ADARB2: variants seen among roughly 807,000 people sequenced by gnomAD.
ADARB2 encodes the protein adenosine deaminase RNA specific B2 (inactive).
Under a neutral mutation model 62.2 loss-of-function variants are expected in ADARB2, and 25 were observed. The observed-to-expected ratio is 0.40, with a 90% CI of 0.29 to 0.56. The LOEUF is 0.56. Among genes scored for constraint, ADARB2 ranks in the 20% least tolerant of loss-of-function variants. The pLI is 0.43. For missense variants in ADARB2, 1,071 were observed against 1,077.4 expected (o/e 0.99, Z 0.08); for synonymous variants, 572 against 500.8 (o/e 1.14, Z -1.90).
Position 1,217,122 on chromosome 10 carries a change from A to G in ADARB2, c.1514-3T>C, listed in dbSNP as rs762989170. 1.9e-6 allele frequency: 3 copies of G among 1,581,760 alleles called. No homozygotes were observed. Among genetic ancestry groups the G allele is most frequent in the Admixed American group, 1.8e-5 (1 of 56,070 alleles). The stretch of plus-strand genomic sequence containing the variant: ...GACGAGGTGTTTGCTGCTGTGCACT[A>G]GGAGATAAAAGGGCGGGGAGGGGTG... On this transcript the variant is annotated splice_polypyrimidine_tract_variant and splice_region_variant and intron_variant, in intron 6 of 9. Transcript: ENST00000381312.
intron 1 of ADARB2, among the ~76,000 whole-genome samples, chr10:1,664,948 T>G: frequency 6.6e-6 from 1 of 152,102 alleles, no homozygotes; most frequent in Non-Finnish European, 1.5e-5. Context: ...AGAAAACAGA[T>G]GGCATTCAGG....
chr10:1,571,770 G>A (rs1344921520), intron 1 of ADARB2, among the ~76,000 whole-genome samples: 2 of 150,640 alleles, frequency 1.3e-5, no homozygotes, highest in African/African-American at 4.9e-5. Context: ...GAGTGGACAG[G>A]TGAGTAGGCA....
rs919834096 is a variant in ADARB2 at position 1,470,646 on chromosome 10, A to G, written c.101-91486T>C. On this transcript the variant is annotated intron_variant, in intron 1 of 9. Transcript: ENST00000381312. Reference sequence around the variant, plus strand: ...ACACCAATTTTTAGCAAATTTTATGACTCATGTAGTGTAACGTGTAAATGA... The same window carrying G: ...ACACCAATTTTTAGCAAATTTTATGGCTCATGTAGTGTAACGTGTAAATGA... Among the ~76,000 whole-genome samples the G allele has an allele frequency of 9.2e-5, 14 of 152,202 alleles. 1 individual carries two copies. Among genetic ancestry groups the G allele is most frequent in the Admixed American group, 7.2e-4 (11 of 15,278 alleles).
chr10:1,722,574 C>T (rs563085727), intron 1 of ADARB2, among the ~76,000 whole-genome samples: 8 of 152,240 alleles, frequency 5.3e-5, no homozygotes, highest in South Asian at 2.1e-4. Flanking sequence ...AATTTAGTTC[C>T]GGGTTTTATC....
intron 1 of ADARB2, among the ~76,000 whole-genome samples, chr10:1,510,631 G>T (rs1343652388): frequency 6.6e-6 from 1 of 152,100 alleles, no homozygotes; most frequent in Middle Eastern, 3.2e-3. Context: ...CATCTATCTG[G>T]AGACCTTGGA....
intron 1 of ADARB2, among the ~76,000 whole-genome samples, chr10:1,436,709 C>T (rs1301233781): frequency 6.6e-6 from 1 of 152,224 alleles, no homozygotes; most frequent in East Asian, 1.9e-4. Context: ...TCAAGTTTTA[C>T]ATTTTTGCTT....
At chr10:1,660,020 G>A (rs1476112858) in intron 1 of ADARB2, among the ~76,000 whole-genome samples, 4 of 150,088 alleles carry the variant, frequency 2.7e-5, no homozygotes, top group East Asian at 2.0e-4. Context: ...GTGAGACCCC[G>A]GGGCAGGGGC....
intron 1 of ADARB2, among the ~76,000 whole-genome samples, chr10:1,632,840 G>A (rs1478557757): frequency 6.6e-6 from 1 of 152,202 alleles, no homozygotes; most frequent in Admixed American, 6.5e-5. Flanking sequence ...ACTGGGCTTG[G>A]GGCTGCCCAG....
At chr10:1,346,632 A>C (rs1448429402) in intron 3 of ADARB2, among the ~76,000 whole-genome samples, 1 of 152,224 alleles carries the variant, frequency 6.6e-6, no homozygotes, top group Non-Finnish European at 1.5e-5. Context: ...TTACAGAGGC[A>C]CTTGGTACTA....
chr10:1,259,521 T>C (rs939936665), intron 4 of ADARB2, among the ~76,000 whole-genome samples: 18 of 152,074 alleles, frequency 1.2e-4, no homozygotes, highest in Admixed American at 3.9e-4. Context: ...CTATAAACAC[T>C]TCTACGCAAA....
chr10:1,326,114 T>C (rs1831842366), intron 3 of ADARB2, among the ~76,000 whole-genome samples: 1 of 152,208 alleles, frequency 6.6e-6, no homozygotes, highest in Non-Finnish European at 1.5e-5. Context: ...AATTTGACCA[T>C]TCCCCCCATA....
intron 1 of ADARB2, among the ~76,000 whole-genome samples, chr10:1,647,885 ATATG>A (rs939557045): frequency 3.9e-5 from 6 of 151,912 alleles, no homozygotes; most frequent in African/African-American, 1.5e-4. Context: ...GTGTGTCTAT[ATATG>A]TATGTGTGTA....
At chr10:1,545,617 C>T (rs1356188920) in intron 1 of ADARB2, among the ~76,000 whole-genome samples, 1 of 152,182 alleles carries the variant, frequency 6.6e-6, no homozygotes, top group East Asian at 1.9e-4. Context: ...TCGTGGAGCT[C>T]TGGGAATGCT....
At chr10:1,457,891 CGAAT>C (rs1407598860) in intron 1 of ADARB2, among the ~76,000 whole-genome samples, 1 of 152,220 alleles carries the variant, frequency 6.6e-6, no homozygotes, top group African/African-American at 2.4e-5. Flanking sequence ...CAACCCGAGG[CGAAT>C]GCATCATTGG....
rs1554765127 is a variant in ADARB2 at position 1,462,748 on chromosome 10, T to TATGTATGCATGTGTGTGC, written c.101-83606_101-83589dup. On this transcript the variant is annotated intron_variant, in intron 1 of 9. Coordinates refer to ENST00000381312, the MANE Select transcript of ADARB2 (RefSeq NM_018702.4). ...GTGCATGTGTGTATGTGCCTGTGTGTATGTATGCATGTGTGTGCATGTGTT... is the reference window on the plus strand; with the variant it reads ...GTGCATGTGTGTATGTGCCTGTGTGTATGTATGCATGTGTGTGCATGTATGCATGTGTGTGCATGTGTT... Among the ~76,000 whole-genome samples, 923 of 152,080 alleles carry TATGTATGCATGTGTGTGC rather than the reference T, an allele frequency of 6.1e-3. 5 individuals are homozygous for TATGTATGCATGTGTGTGC. The highest frequency in any genetic ancestry group is 0.027 in the Middle Eastern group (8 of 294).
chr10:1,653,260 C>G (rs1158368346), intron 1 of ADARB2, among the ~76,000 whole-genome samples: 1 of 152,140 alleles, frequency 6.6e-6, no homozygotes, highest in Non-Finnish European at 1.5e-5. Context: ...TGCCTGGGGT[C>G]CCAGTCATGG....
At chr10:1,349,645 G>T (rs1432638221) in intron 3 of ADARB2, among the ~76,000 whole-genome samples, 1 of 151,818 alleles carries the variant, frequency 6.6e-6, no homozygotes, top group Non-Finnish European at 1.5e-5. Flanking sequence ...CAATCTTGGC[G>T]CCACCCTTCA....
chr10:1,597,931 T>C (rs1407230398), intron 1 of ADARB2, among the ~76,000 whole-genome samples: 1 of 152,250 alleles, frequency 6.6e-6, no homozygotes, highest in African/African-American at 2.4e-5. Flanking sequence ...TGTGGAATAC[T>C]ATGCAGCCAT....
At chr10:1,344,705 G>T (rs995237052) in intron 3 of ADARB2, among the ~76,000 whole-genome samples, 1 of 152,190 alleles carries the variant, frequency 6.6e-6, no homozygotes, top group African/African-American at 2.4e-5. Flanking sequence ...AGTGAAAGCC[G>T]TGGACATGGC....
Sources: allele counts gnomAD v4.1 joint callset (sites outside exome capture counted in the v4.1 genomes callset), GRCh38; gene constraint gnomAD v4.1.1; transcripts MANE v1.5; gene names NCBI Gene and HGNC (gene_info 2026-07-23, HGNC 2026-07-21).